Variants in DLGAP2 observed in about 807,000 individuals in gnomAD.
DLGAP2 encodes DLG associated protein 2, also known as disks large-associated protein 2.
A neutral mutation model predicts 100.3 loss-of-function variants in DLGAP2; 26 were observed. That is an observed-to-expected ratio of 0.26 (90% CI 0.19 to 0.36). DLGAP2 has a LOEUF of 0.36. DLGAP2 is among the 10% of genes least tolerant of loss of function. The probability of loss-of-function intolerance (pLI) is 1.00; values close to 1 mark genes in which losing one functional copy is unlikely to be tolerated. For missense variants in DLGAP2, 1,858 were observed against 1,453.2 expected (o/e 1.28, Z -4.53); for synonymous variants, 886 against 630.1 (o/e 1.41, Z -6.08).
Position 1,679,502 on chromosome 8 carries a change from C to G in DLGAP2, c.2704+873C>G, listed in dbSNP as rs1051664411. On this transcript the variant is annotated intron_variant, in intron 12 of 14. Transcript: ENST00000637795. The stretch of plus-strand genomic sequence containing the variant: ...TGAGAAGGCCGTGTCATTCCTCTAC[C>G]AGAGTCACCACCAAAGGTCTCACTC... Among the ~76,000 whole-genome samples the G allele has an allele frequency of 4.2e-5, 6 of 143,286 alleles. No homozygotes were observed. The South Asian group carries it at 6.9e-4, about 17-fold the overall frequency. 94.0% of individuals were successfully genotyped at this position (143,286 alleles called of 152,430 possible).
rs555412664 is a variant in DLGAP2 at position 1,150,676 on chromosome 8, T to C, written c.74-108175T>C. On this transcript the variant is annotated intron_variant, in intron 2 of 14. Transcript: ENST00000637795. ...CTGCTCAACTTGGAGGTTATTCTAA[T>C]GCTAGAGAAAGAAAAACAAAATGGA... Among the ~76,000 whole-genome samples, 4 of 152,360 alleles carry C rather than the reference T, an allele frequency of 2.6e-5. No individual in the cohort carries two copies. The East Asian group carries it at 7.7e-4, about 29-fold the overall frequency.
intron 2 of DLGAP2, among the ~76,000 whole-genome samples, chr8:1,098,337 T>A (rs1804458023): frequency 6.6e-6 from 1 of 152,248 alleles, no homozygotes; most frequent in African/African-American, 2.4e-5. Flanking sequence ...TTGTTCACCT[T>A]CAATGAATGT....
rs997021663 is a variant in DLGAP2, at chr8:1,224,710, C to A, written c.74-34141C>A. Among the ~76,000 whole-genome samples the A allele has an allele frequency of 2.0e-5, 3 of 152,116 alleles. No homozygotes were observed. The East Asian group carries it at 5.8e-4, about 29-fold the overall frequency. On this transcript the variant is annotated intron_variant, in intron 2 of 14. Coordinates refer to ENST00000637795, the MANE Select transcript of DLGAP2 (RefSeq NM_001346810.2). ...ACAAGAATAAAATGAATTATAGTGT[C>A]TATAATAGTTGAAGAACTGTTAAAA... is the stretch of plus-strand genomic sequence containing the variant.
chr8:1,506,800 A>T (rs1449984573), intron 4 of DLGAP2, among the ~76,000 whole-genome samples: 2 of 152,164 alleles, frequency 1.3e-5, no homozygotes, highest in African/African-American at 4.8e-5. Flanking sequence ...TGGTGCATTT[A>T]CAATCCTCTA....
intron 3 of DLGAP2, among the ~76,000 whole-genome samples, chr8:1,433,086 C>T (rs914135136): frequency 3.3e-5 from 5 of 152,180 alleles, no homozygotes; most frequent in Non-Finnish European, 7.4e-5. Flanking sequence ...TTTGGGACTC[C>T]CTTGCCGAGC....
intron 3 of DLGAP2, among the ~76,000 whole-genome samples, chr8:1,430,029 C>CATATATATATATATATAT (rs1298205913): frequency 7.6e-5 from 3 of 39,238 alleles, no homozygotes; most frequent in African/African-American, 1.9e-4. Context: ...TATATATATA[C>CATATATATATATATATAT]ACACACACAC....
intron 1 of DLGAP2, among the ~76,000 whole-genome samples, chr8:866,626 G>A (rs1209650706): frequency 6.6e-6 from 1 of 152,192 alleles, no homozygotes; most frequent in Non-Finnish European, 1.5e-5. Context: ...GGTCCATGTG[G>A]CCATCGGGAA....
intron 2 of DLGAP2, among the ~76,000 whole-genome samples, chr8:952,070 G>A (rs1417688014): frequency 6.6e-6 from 1 of 152,142 alleles, no homozygotes; most frequent in Non-Finnish European, 1.5e-5. Flanking sequence ...TCTCCTTTTT[G>A]GTTGAGTTTT....
chr8:1,392,846 G>C (rs1264887842), intron 3 of DLGAP2, among the ~76,000 whole-genome samples: 4 of 149,192 alleles, frequency 2.7e-5, no homozygotes, highest in Non-Finnish European at 5.9e-5. Context: ...GAATGTATGT[G>C]TGTTGGAATG....
chr8:1,350,469 T>A (rs1318703101), intron 3 of DLGAP2, among the ~76,000 whole-genome samples: 1 of 78,096 alleles, frequency 1.3e-5, no homozygotes, highest in Non-Finnish European at 2.4e-5. Flanking sequence ...GGGTCCTGAC[T>A]GTGCGTGGAA....
chr8:1,416,565 C>T (rs12678433), intron 3 of DLGAP2, among the ~76,000 whole-genome samples: 1 of 152,200 alleles, frequency 6.6e-6, no homozygotes, highest in Non-Finnish European at 1.5e-5. Context: ...ACCCCTCTGC[C>T]TCCACGGCCG....
At chr8:967,863 T>C (rs1335008436) in intron 2 of DLGAP2, among the ~76,000 whole-genome samples, 1 of 78,396 alleles carries the variant, frequency 1.3e-5, no homozygotes, top group African/African-American at 5.4e-5. Context: ...TATATATATA[T>C]ATATATATAT....
intron 8 of DLGAP2, among the ~76,000 whole-genome samples, chr8:1,663,640 T>G (rs1261046713): frequency 6.6e-6 from 1 of 152,050 alleles, no homozygotes; most frequent in African/African-American, 2.4e-5. Flanking sequence ...GCCCTGAGCG[T>G]AATGGTTAAC....
intron 3 of DLGAP2, among the ~76,000 whole-genome samples, chr8:1,275,746 A>G (rs949722126): frequency 3.0e-5 from 4 of 135,244 alleles, no homozygotes; most frequent in African/African-American, 1.1e-4. Context: ...TGTAATATAT[A>G]TAAATAAATA....
intron 6 of DLGAP2, among the ~76,000 whole-genome samples, chr8:1,583,233 C>G (rs934249578): frequency 6.6e-6 from 1 of 152,210 alleles, no homozygotes; most frequent in African/African-American, 2.4e-5. Flanking sequence ...CTCCAAGCCT[C>G]TTCTCCCTCC....
intron 3 of DLGAP2, among the ~76,000 whole-genome samples, chr8:1,344,414 C>T (rs1801509001): frequency 6.6e-6 from 1 of 152,218 alleles, no homozygotes; most frequent in South Asian, 2.1e-4. Flanking sequence ...CTCTGAGCAG[C>T]TGCTCTCCAG....
intron 2 of DLGAP2, among the ~76,000 whole-genome samples, chr8:1,230,031 G>C (rs1053698886): frequency 6.6e-6 from 1 of 152,090 alleles, no homozygotes; most frequent in African/African-American, 2.4e-5. Flanking sequence ...GCAAGAAAAC[G>C]TAGTAAAAGA....
At chr8:1,023,690 C>G (rs1430672722) in intron 2 of DLGAP2, among the ~76,000 whole-genome samples, 5 of 152,200 alleles carry the variant, frequency 3.3e-5, no homozygotes, top group African/African-American at 7.2e-5. Context: ...CTTACCAGCA[C>G]CTTTTCCCCA....
At chr8:839,759 C>T (rs962693547) in intron 1 of DLGAP2, among the ~76,000 whole-genome samples, 33 of 152,308 alleles carry the variant, frequency 2.2e-4, no homozygotes, top group Non-Finnish European at 2.9e-4. Flanking sequence ...GTTTATTCAC[C>T]GTTTCATCAC....
Sources: gnomAD v4.1 joint callset for allele counts (sites outside exome capture counted in the v4.1 genomes callset) on GRCh38, gnomAD v4.1.1 for gene constraint, MANE v1.5 for transcripts, NCBI Gene and HGNC (gene_info 2026-07-23, HGNC 2026-07-21) for gene names.